Variants in FAIM observed in about 807,000 individuals in gnomAD.
FAIM encodes the protein Fas apoptotic inhibitory molecule.
Under a neutral mutation model 21.2 loss-of-function variants are expected in FAIM, and 14 were observed. That is an observed-to-expected ratio of 0.66 (90% CI 0.44 to 1.03). The LOEUF is 1.03. Ranked by LOEUF, FAIM falls within the 50% of genes least tolerant of loss-of-function variation. FAIM has a pLI of 0.00. For synonymous variants in FAIM, 86 were observed against 80.4 expected (o/e 1.07, Z -0.37); for missense variants, 222 against 247.1 (o/e 0.90, Z 0.68).
At chr3:138,632,169 A>T (rs1577021443) in intron 5 of FAIM, among the ~76,000 whole-genome samples, 1 of 150,448 alleles carries the variant, frequency 6.6e-6, no homozygotes, top group East Asian at 1.9e-4. Context: ...TAGGACCTTC[A>T]TGTGTAATTT....
chr3:138,611,793 C>G lies in FAIM; in HGVS notation c.-17+2856C>G, dbSNP rs531611445. 2.0e-5 allele frequency among the ~76,000 whole-genome samples: 3 copies of G among 152,340 alleles called. No homozygotes were observed. In the South Asian group the frequency reaches 6.2e-4, roughly 32 times the overall value. On this transcript the variant is annotated intron_variant, in intron 1 of 5. Coordinates refer to ENST00000360570, the MANE Select transcript of FAIM (RefSeq NM_001033031.2). ...TGCTTTCTCTCTGGTCACATGCTCT[C>G]TACACAGCCAGCTCTCCTTTGCCTT... is the stretch of plus-strand genomic sequence containing the variant.
intron 1 of FAIM, among the ~76,000 whole-genome samples, chr3:138,614,770 A>G (rs1409292899): frequency 1.3e-5 from 2 of 152,032 alleles, no homozygotes; most frequent in Non-Finnish European, 2.9e-5. Flanking sequence ...GTGAAACCTC[A>G]TATCTACCAT....
intron 2 of FAIM, 80 bp from the exon 3 acceptor site, chr3:138,621,327 A>G (rs1577012105): frequency 1.4e-6 from 2 of 1,442,446 alleles, no homozygotes; most frequent in East Asian, 2.3e-5. Flanking sequence ...TTTTAATCTA[A>G]TATTTTCATC....
intron 1 of FAIM, among the ~76,000 whole-genome samples, chr3:138,617,266 C>T (rs2108340010): frequency 6.6e-6 from 1 of 151,356 alleles, no homozygotes; most frequent in Admixed American, 6.6e-5. Flanking sequence ...TTTCTAGAGT[C>T]TCTGAAAATT....
In FAIM at chr3:138,621,674, G is replaced by T. The variant is rs556053694; in HGVS notation, c.177+135G>T. 64 of 699,010 alleles carry T rather than the reference G, an allele frequency of 9.2e-5. No individual in the cohort carries two copies. The South Asian group carries it at 1.4e-3, about 16-fold the overall frequency. 43.3% of individuals were successfully genotyped at this position (699,010 alleles called of 1,614,324 possible). ...TTTTTGATCTGTATCATTTTGCTGT[G>T]TAAAGCAAACATAGTTATAGAATTC... On this transcript the variant is annotated intron_variant, in intron 3 of 5. Transcript: ENST00000360570.
intron 3 of FAIM, 124 bp from the exon 4 acceptor site, chr3:138,622,064 G>A (rs1009557166): frequency 2.4e-6 from 2 of 822,286 alleles, no homozygotes; most frequent in Admixed American, 3.0e-5. Context: ...ACAGGCATGA[G>A]CCACCACTCC....
At chr3:138,618,623 A>G (rs1159899204) in intron 1 of FAIM, among the ~76,000 whole-genome samples, 3 of 152,220 alleles carry the variant, frequency 2.0e-5, no homozygotes, top group African/African-American at 7.2e-5. Context: ...AGCCAAGATC[A>G]TGCCACTGCA....
chr3:138,621,503 T>C lies in FAIM; in HGVS notation c.141T>C (p.Thr47=), dbSNP rs879620828. 3.1e-6 allele frequency: 5 copies of C among 1,613,996 alleles called. No homozygotes were observed. Among genetic ancestry groups the C allele is most frequent in the Non-Finnish European group, 4.2e-6 (5 of 1,179,906 alleles). ...ACAAGATCGAATTTGAACATGGGAC[T>C]ACATCAGGCAAACGAGTAGTATATG... The part of the protein sequence containing the change: ...GVHKIEFEHG[T]TSGKRVVYVD... The change falls in exon 3 of 6, where the codon ACT becomes ACC. Residue 47 remains threonine (T), a synonymous_variant. Coordinates refer to ENST00000360570, the MANE Select transcript of FAIM (RefSeq NM_001033031.2).
intron 4 of FAIM, 135 bp from the exon 5 acceptor site, chr3:138,628,970 AGT>A: frequency 1.8e-6 from 1 of 563,460 alleles, no homozygotes; most frequent in Non-Finnish European, 3.0e-6. Context: ...GCCATGAAAA[AGT>A]GTTGGGTTTT....
At chr3:138,619,909 T>C (rs932799391) in intron 2 of FAIM, 139 bp downstream of exon 2, 3 of 812,164 alleles carry the variant, frequency 3.7e-6, no homozygotes, top group African/African-American at 3.6e-5. Context: ...TTTTGTGTGA[T>C]TTAAAGCAGG....
At chr3:138,629,251 C>G in intron 5 of FAIM, 95 bp downstream of exon 5, 1 of 1,030,366 alleles carries the variant, frequency 9.7e-7, no homozygotes, top group Non-Finnish European at 1.5e-6. Context: ...TATAATGAAT[C>G]AAGGCCCTCT....
At chr3:138,632,769 TA>T (rs1158071849) in intron 5 of FAIM, among the ~76,000 whole-genome samples, 160 bp from the exon 6 acceptor site, 1 of 152,238 alleles carries the variant, frequency 6.6e-6, no homozygotes, top group Non-Finnish European at 1.5e-5. Flanking sequence ...AACAGAAATG[TA>T]AAAGCATCTA....
At chr3:138,631,415 C>T (rs915658619) in intron 5 of FAIM, among the ~76,000 whole-genome samples, 1 of 152,140 alleles carries the variant, frequency 6.6e-6, no homozygotes, top group Non-Finnish European at 1.5e-5. Flanking sequence ...GACCCTGTCA[C>T]ACACATACAC....
chr3:138,622,475 C>A, intron 4 of FAIM, 59 bp downstream of exon 4: 1 of 1,107,466 alleles, frequency 9.0e-7, no homozygotes. Context: ...CTGTTTAATT[C>A]CTGTAACTGT....
At chr3:138,610,307 G>A (rs2042753561) in intron 1 of FAIM, among the ~76,000 whole-genome samples, 1 of 152,106 alleles carries the variant, frequency 6.6e-6, no homozygotes, top group Non-Finnish European at 1.5e-5. Context: ...GGGTTGCTAG[G>A]GAAGGGATTT....
At chr3:138,609,472 G>GT (rs1205642227) in intron 1 of FAIM, among the ~76,000 whole-genome samples, 1 of 143,786 alleles carries the variant, frequency 7.0e-6, no homozygotes, top group Non-Finnish European at 1.5e-5. Context: ...CTTCCAGATG[G>GT]TTTTTCCTTG....
chr3:138,632,862 G>A, intron 5 of FAIM, 68 bp from the exon 6 acceptor site: 1 of 1,461,342 alleles, frequency 6.8e-7, no homozygotes, highest in African/African-American at 1.4e-5. Context: ...ACTTTTAGAT[G>A]GTGTGAATGC....
chr3:138,617,727 G>A (rs1001750417), intron 1 of FAIM, among the ~76,000 whole-genome samples: 23 of 144,076 alleles, frequency 1.6e-4, no homozygotes, highest in African/African-American at 5.8e-4. Flanking sequence ...ATTACATTGT[G>A]TATATACGTG....
chr3:138,612,355 C>A (rs556363219), intron 1 of FAIM, among the ~76,000 whole-genome samples: 1 of 152,156 alleles, frequency 6.6e-6, no homozygotes, highest in Non-Finnish European at 1.5e-5. Context: ...CCCGCCTCGG[C>A]CTCCCAAAGT....
Sources: gnomAD v4.1 joint callset for allele counts (sites outside exome capture counted in the v4.1 genomes callset) on GRCh38, gnomAD v4.1.1 for gene constraint, MANE v1.5 for transcripts, NCBI Gene and HGNC (gene_info 2026-07-23, HGNC 2026-07-21) for gene names.